The following PCSK5 variants were observed in gnomAD, a reference collection of about 807,000 sequenced individuals.
The protein encoded by PCSK5 is proprotein convertase subtilisin/kexin type 5.
Under a neutral mutation model 233.2 loss-of-function variants are expected in PCSK5, and 129 were observed. That is an observed-to-expected ratio of 0.55 (90% CI 0.48 to 0.64). The LOEUF is 0.64. Among genes scored for constraint, PCSK5 ranks in the 30% least tolerant of loss-of-function variants. PCSK5 has a pLI of 0.00. For missense variants in PCSK5, 2,076 were observed against 2,430.1 expected, an observed-to-expected ratio of 0.85 and a Z score of 3.06; for synonymous variants, 825 against 879.2, an observed-to-expected ratio of 0.94 and a Z score of 1.09.
At chr9:76,233,990 C>T (rs1826176708) in intron 22 of PCSK5, among the ~76,000 whole-genome samples, 3 of 152,060 alleles carry the variant, frequency 2.0e-5, no homozygotes, top group Admixed American at 1.3e-4. Context: ...TTAGAAGTTG[C>T]CAGAGCTCGG....
At chr9:75,911,013 A>T (rs751316626) in intron 1 of PCSK5, among the ~76,000 whole-genome samples, 1 of 152,154 alleles carries the variant, frequency 6.6e-6, no homozygotes, top group Non-Finnish European at 1.5e-5. Context: ...TTGAAGCAAC[A>T]TGCAGTGATT....
chr9:75,974,791 T>C (rs1488777493), intron 2 of PCSK5, among the ~76,000 whole-genome samples: 1 of 152,232 alleles, frequency 6.6e-6, no homozygotes, highest in Admixed American at 6.5e-5. Flanking sequence ...TTCATGCTAC[T>C]TATTTATTTA....
chr9:76,066,906 A>G (rs58148154), intron 5 of PCSK5, among the ~76,000 whole-genome samples: 2,500 of 152,220 alleles, frequency 0.016, 74 homozygotes, highest in African/African-American at 0.056. Flanking sequence ...ACCTTTTCGT[A>G]TCTCTGGTCC....
At chr9:76,144,118 G>A (rs552918979) in intron 10 of PCSK5, among the ~76,000 whole-genome samples, 5 of 152,124 alleles carry the variant, frequency 3.3e-5, no homozygotes, top group East Asian at 1.9e-4. Context: ...TCCTCCTTCC[G>A]AAGTATTGTA....
At chr9:76,094,767 G>A (rs1234910452) in intron 7 of PCSK5, among the ~76,000 whole-genome samples, 5 of 151,956 alleles carry the variant, frequency 3.3e-5, no homozygotes, top group South Asian at 2.1e-4. Flanking sequence ...GCACCACCAC[G>A]CCTCGCTAAT....
chr9:76,228,397 C>T (rs1253471739), intron 21 of PCSK5, among the ~76,000 whole-genome samples: 1 of 152,172 alleles, frequency 6.6e-6, no homozygotes. Flanking sequence ...TCCATAAGAG[C>T]AGCTGTAGCC....
chr9:76,193,227 TCTG>T (rs765172539), intron 20 of PCSK5: 8 of 1,612,220 alleles, frequency 5.0e-6, no homozygotes, highest in Middle Eastern at 1.7e-4. Flanking sequence ...CTTGCTGACT[TCTG>T]GAAAAGCAAC....
chr9:75,929,418 G>C (rs1823673417), intron 1 of PCSK5, among the ~76,000 whole-genome samples: 1 of 151,148 alleles, frequency 6.6e-6, no homozygotes, highest in Non-Finnish European at 1.5e-5. Flanking sequence ...GGTATAACTA[G>C]AGGTGCATAT....
intron 3 of PCSK5, among the ~76,000 whole-genome samples, chr9:75,986,545 A>C (rs1442690687): frequency 6.6e-6 from 1 of 152,224 alleles, no homozygotes; most frequent in South Asian, 2.1e-4. Context: ...AAAATACGCA[A>C]AAGTGCACAT....
chr9:76,360,522 T>C lies in PCSK5; in HGVS notation c.*1600T>C, dbSNP rs1418979291. ...ATTGTTTTAGTCTATAATATCAATGTTATCTTTACTAAATTCATGGATTTT... is the reference window on the plus strand; with the variant it reads ...ATTGTTTTAGTCTATAATATCAATGCTATCTTTACTAAATTCATGGATTTT... On this transcript the variant is annotated 3_prime_UTR_variant, in exon 38 of 38. Coordinates refer to ENST00000674117, the MANE Select transcript of PCSK5 (RefSeq NM_001372043.1). 2 of 152,260 alleles carry C rather than the reference T, an allele frequency of 1.3e-5. No homozygotes were observed. Among genetic ancestry groups the C allele is most frequent in the Non-Finnish European group, 2.9e-5 (2 of 68,046 alleles). 9.4% of individuals were successfully genotyped at this position (152,260 alleles called of 1,614,324 possible).
intron 9 of PCSK5, among the ~76,000 whole-genome samples, chr9:76,125,624 T>C (rs1264658878): frequency 6.6e-6 from 1 of 152,234 alleles, no homozygotes; most frequent in African/African-American, 2.4e-5. Context: ...AAGCCTTCAA[T>C]ACATGCCATC....
chr9:76,164,606 G>C (rs1051657674), intron 12 of PCSK5, among the ~76,000 whole-genome samples: 2 of 152,162 alleles, frequency 1.3e-5, no homozygotes, highest in Non-Finnish European at 2.9e-5. Flanking sequence ...GTCCAAGGAT[G>C]TGCATTTCTA....
chr9:76,350,671 CT>C (rs1473071337), intron 35 of PCSK5, among the ~76,000 whole-genome samples, 156 bp from the exon 36 acceptor site: 4 of 152,182 alleles, frequency 2.6e-5, no homozygotes, highest in Non-Finnish European at 4.4e-5. Flanking sequence ...ATAATTTCTA[CT>C]TTGTGTGGGA....
chr9:76,292,523 C>T (rs914425321), intron 25 of PCSK5, among the ~76,000 whole-genome samples: 10 of 152,166 alleles, frequency 6.6e-5, no homozygotes, highest in Admixed American at 5.2e-4. Flanking sequence ...AGGAATCCTG[C>T]CATGGGTTAC....
chr9:76,223,892 G>C (rs1825802594), intron 20 of PCSK5, among the ~76,000 whole-genome samples: 1 of 152,170 alleles, frequency 6.6e-6, no homozygotes, highest in African/African-American at 2.4e-5. Flanking sequence ...TGTGTCCTTG[G>C]AATCTGGTTT....
intron 2 of PCSK5, among the ~76,000 whole-genome samples, chr9:75,949,652 C>G (rs574747477): frequency 1.3e-5 from 2 of 152,028 alleles, no homozygotes; most frequent in Non-Finnish European, 2.9e-5. Context: ...CCCAGCCTCC[C>G]AAGTAGCTGG....
chr9:76,062,074 C>T lies in PCSK5; in HGVS notation c.633-5881C>T, dbSNP rs367866043. Among the ~76,000 whole-genome samples, 53 of 152,162 alleles carry T rather than the reference C, an allele frequency of 3.5e-4. No homozygotes were observed. The South Asian group carries it at 0.011, about 30-fold the overall frequency. On this transcript the variant is annotated intron_variant, in intron 5 of 37. Transcript: ENST00000674117. ...TTAACCTGAGTAACATAGTGAGACC[C>T]TGTCTCTACAAAAAAATTTAAAAAT...
intron 35 of PCSK5, among the ~76,000 whole-genome samples, chr9:76,339,268 A>G (rs975731849): frequency 3.3e-5 from 5 of 152,180 alleles, no homozygotes; most frequent in Non-Finnish European, 7.3e-5. Context: ...AACTTTCTAG[A>G]AAAATATTAT....
chr9:76,248,541 A>G (rs553110818), intron 24 of PCSK5, among the ~76,000 whole-genome samples: 45 of 152,318 alleles, frequency 3.0e-4, no homozygotes, highest in Non-Finnish European at 4.7e-4. Flanking sequence ...ATATGAACCC[A>G]AAGGAGAATC....
Sources: gnomAD v4.1 joint callset for allele counts (sites outside exome capture counted in the v4.1 genomes callset) on GRCh38, gnomAD v4.1.1 for gene constraint, MANE v1.5 for transcripts, NCBI Gene and HGNC (gene_info 2026-07-23, HGNC 2026-07-21) for gene names.